The following INO80C variants were observed in gnomAD, a reference collection of about 807,000 sequenced individuals.
The protein encoded by INO80C is INO80 complex subunit C, also known as IES6 homolog.
In INO80C, 17 loss-of-function variants were observed where a neutral mutation model predicts 17.7. That is an observed-to-expected ratio of 0.96 (90% CI 0.66 to 1.44). The LOEUF (loss-of-function observed/expected upper bound fraction) is 1.44. Among genes scored for constraint, INO80C ranks in the 40% most tolerant of loss-of-function variants. INO80C has a pLI of 0.00. For synonymous variants in INO80C, 96 were observed against 95.8 expected, an observed-to-expected ratio of 1.00 and a Z score of -0.01; for missense variants, 244 against 245.0, an observed-to-expected ratio of 1.00 and a Z score of 0.03.
chr18:35,475,728 G>C (rs1280029108), intron 4 of INO80C, among the ~76,000 whole-genome samples: 1 of 151,738 alleles, frequency 6.6e-6, no homozygotes, highest in East Asian at 1.9e-4. Flanking sequence ...AAAAAAGAAA[G>C]GACTTCGTTA....
chr18:35,471,410 G>A (rs2045667897), intron 4 of INO80C, among the ~76,000 whole-genome samples: 1 of 152,096 alleles, frequency 6.6e-6, no homozygotes, highest in African/African-American at 2.4e-5. Context: ...GTGGCACCAT[G>A]CTGTTTATAT....
chr18:35,477,069 C>A (rs1048068510), intron 4 of INO80C, among the ~76,000 whole-genome samples: 1 of 152,086 alleles, frequency 6.6e-6, no homozygotes, highest in Admixed American at 6.6e-5. Flanking sequence ...CATGGCAAAA[C>A]CTCATCTCTA....
intron 2 of INO80C, among the ~76,000 whole-genome samples, chr18:35,479,885 CTT>C (rs35108119): frequency 2.9e-4 from 39 of 136,502 alleles, no homozygotes; most frequent in Non-Finnish European, 2.5e-4. Context: ...CTAGGTACCT[CTT>C]TTTTTTTTTT....
rs369355270 is a variant in INO80C at position 35,497,705 on chromosome 18, G to A, written c.156+14C>T. The A allele has an allele frequency of 1.2e-6, 2 of 1,608,714 alleles. No homozygotes were observed. Among genetic ancestry groups the A allele is most frequent in the Non-Finnish European group, 8.5e-7 (1 of 1,177,890 alleles). Reference sequence around the variant, plus strand: ...CGCGACGCGCACGCGCAGCCTGGGAGCGCGACTGCGTACCTGCGCAAAGCT... The same window carrying A: ...CGCGACGCGCACGCGCAGCCTGGGAACGCGACTGCGTACCTGCGCAAAGCT... On this transcript the variant is annotated intron_variant, in intron 1 of 4. Transcript: ENST00000334598.
chr18:35,480,282 A>T (rs994657949), intron 2 of INO80C, among the ~76,000 whole-genome samples, 171 bp downstream of exon 2: 8 of 152,184 alleles, frequency 5.3e-5, no homozygotes, highest in African/African-American at 1.9e-4. Flanking sequence ...ACATTAAAAG[A>T]TCAACAGAAA....
intron 4 of INO80C, among the ~76,000 whole-genome samples, chr18:35,472,919 T>C (rs1170698333): frequency 6.6e-6 from 1 of 152,250 alleles, no homozygotes; most frequent in Non-Finnish European, 1.5e-5. Context: ...TGTCCTTTAA[T>C]GAACTAGGAG....
intron 3 of INO80C, among the ~76,000 whole-genome samples, chr18:35,478,639 G>A (rs994203045): frequency 3.3e-5 from 5 of 152,062 alleles, no homozygotes; most frequent in African/African-American, 7.2e-5. Flanking sequence ...CTATTTTCAC[G>A]ATCTCACACT....
At chr18:35,496,129 G>A (rs766526040) in intron 1 of INO80C, among the ~76,000 whole-genome samples, 3 of 152,202 alleles carry the variant, frequency 2.0e-5, no homozygotes, top group Admixed American at 2.0e-4. Flanking sequence ...TTAAATGTAT[G>A]CCTACCTTCT....
chr18:35,481,239 G>A (rs528936688), intron 1 of INO80C, among the ~76,000 whole-genome samples: 66 of 152,224 alleles, frequency 4.3e-4, no homozygotes, highest in African/African-American at 1.3e-3. Context: ...CGCTAATATG[G>A]TTTAAAGCAA....
In INO80C at chr18:35,468,393, C is replaced by G; in HGVS notation, c.*218G>C. 1 of 1,381,126 alleles carries G rather than the reference C, an allele frequency of 7.2e-7. No individual in the cohort carries two copies. Among genetic ancestry groups the G allele is most frequent in the Non-Finnish European group, 9.4e-7 (1 of 1,067,028 alleles). 85.6% of individuals were successfully genotyped at this position (1,381,126 alleles called of 1,614,324 possible). On this transcript the variant is annotated 3_prime_UTR_variant, in exon 5 of 5. Transcript: ENST00000334598. ...CAAACACCTTTACTTGAGGCAACAACTGAAGTATAATTTAATTCAGCAGGA... is the reference window on the plus strand; with the variant it reads ...CAAACACCTTTACTTGAGGCAACAAGTGAAGTATAATTTAATTCAGCAGGA...
At chr18:35,481,880 C>T (rs1029207303) in intron 1 of INO80C, among the ~76,000 whole-genome samples, 3 of 152,148 alleles carry the variant, frequency 2.0e-5, no homozygotes, top group Non-Finnish European at 4.4e-5. Context: ...AGACTCTACT[C>T]CGTCTCAAAA....
intron 1 of INO80C, among the ~76,000 whole-genome samples, chr18:35,486,786 T>TAAAA (rs374753662): frequency 7.5e-5 from 6 of 79,642 alleles, no homozygotes; most frequent in African/African-American, 1.6e-4. Context: ...CCCAATTTCT[T>TAAAA]AAAAAAAAAA....
In INO80C at chr18:35,497,848, G is replaced by T; in HGVS notation, c.27C>A (p.Ala9=). The change falls in exon 1 of 5, where the codon GCC becomes GCA. Residue 9 remains alanine, a synonymous_variant. Transcript: ENST00000334598. The part of the protein sequence containing the change: MAAQIPIV[A]TTSTPGIVRN... The stretch of plus-strand genomic sequence containing the variant: ...GGACTATTCCGGGAGTGGAAGTGGT[G>T]GCCACAATTGGAATTTGCGCCGCCA... 1 of 1,590,516 alleles carries T rather than the reference G, an allele frequency of 6.3e-7. No individual in the cohort carries two copies. Among genetic ancestry groups the T allele is most frequent in the Non-Finnish European group, 8.6e-7 (1 of 1,166,800 alleles).
At chr18:35,473,931 GAAA>G (rs1219251130) in intron 4 of INO80C, among the ~76,000 whole-genome samples, 1 of 151,308 alleles carries the variant, frequency 6.6e-6, no homozygotes, top group Non-Finnish European at 1.5e-5. Context: ...GCTACCACAG[GAAA>G]AAAATACTCT....
intron 1 of INO80C, chr18:35,483,298 C>T (rs1394649769): frequency 6.6e-6 from 1 of 152,168 alleles, no homozygotes; most frequent in Non-Finnish European, 1.5e-5. Context: ...ATTCTCCCAT[C>T]ACATTTCATC....
chr18:35,481,477 G>A (rs1008519705), intron 1 of INO80C, among the ~76,000 whole-genome samples: 2 of 152,158 alleles, frequency 1.3e-5, no homozygotes, highest in Admixed American at 6.5e-5. Flanking sequence ...CAGTCCCAAC[G>A]GCAACCGCTG....
chr18:35,476,877 G>C (rs941063817), intron 4 of INO80C, among the ~76,000 whole-genome samples: 2 of 151,980 alleles, frequency 1.3e-5, no homozygotes, highest in African/African-American at 2.4e-5. Context: ...AAAAGAAAAA[G>C]AAAAAGAAAG....
At chr18:35,497,132 A>G (rs1446768760) in intron 1 of INO80C, among the ~76,000 whole-genome samples, 1 of 152,198 alleles carries the variant, frequency 6.6e-6, no homozygotes, top group Non-Finnish European at 1.5e-5. Flanking sequence ...TACGGAACCT[A>G]GATTGTTCAG....
At chr18:35,481,927 C>T (rs967117757) in intron 1 of INO80C, among the ~76,000 whole-genome samples, 9 of 152,154 alleles carry the variant, frequency 5.9e-5, no homozygotes, top group African/African-American at 2.2e-4. Context: ...CATGTTGTTG[C>T]GTGGATCAGT....
Sources: allele counts gnomAD v4.1 joint callset (sites outside exome capture counted in the v4.1 genomes callset), GRCh38; gene constraint gnomAD v4.1.1; transcripts MANE v1.5; gene names NCBI Gene and HGNC (gene_info 2026-07-23, HGNC 2026-07-21).